Variants in CYP4V2 observed in about 807,000 individuals in gnomAD.
CYP4V2 encodes cytochrome P450 4V2.
CYP4V2 carries 55 observed loss-of-function variants against 60.8 expected under a neutral mutation model. The observed-to-expected ratio is 0.90, with a 90% CI of 0.73 to 1.13. The LOEUF is 1.13. Among genes scored for constraint, CYP4V2 ranks in the 50% most tolerant of loss-of-function variants. CYP4V2 has a pLI of 0.00. For synonymous variants in CYP4V2, 239 were observed against 236.8 expected (o/e 1.01, Z -0.08); for missense variants, 675 against 662.9 (o/e 1.02, Z -0.20).
intron 4 of CYP4V2, 128 bp downstream of exon 4, chr4:186,197,258 A>ACGAC (rs1312907880): frequency 6.7e-6 from 8 of 1,190,394 alleles, no homozygotes; most frequent in South Asian, 2.6e-5. Flanking sequence ...GCGCGGTTCT[A>ACGAC]CGACCGCACT....
intron 8 of CYP4V2, 85 bp downstream of exon 8, chr4:186,205,387 C>A: frequency 7.6e-7 from 1 of 1,324,290 alleles, no homozygotes; most frequent in Non-Finnish European, 1.1e-6. Context: ...GTGTAATGAG[C>A]AGGAAGGCTC....
rs1050351035 is a variant in CYP4V2 at position 186,198,810 on chromosome 4, T to C, written c.675-147T>C. On this transcript the variant is annotated intron_variant, in intron 5 of 10. Transcript: ENST00000378802. Reference sequence around the variant, plus strand: ...GCGTAATAGCCCATGCCTTCACTGCTAAGCATAAAACATGGAGCTCTTAGT... The same window carrying C: ...GCGTAATAGCCCATGCCTTCACTGCCAAGCATAAAACATGGAGCTCTTAGT... 97 of 1,215,704 alleles carry C rather than the reference T, an allele frequency of 8.0e-5. 2 individuals carry two copies. The highest frequency in any genetic ancestry group is 2.1e-4 in the Middle Eastern group (1 of 4,672). 75.3% of individuals were successfully genotyped at this position (1,215,704 alleles called of 1,614,324 possible).
In CYP4V2 at chr4:186,210,568, A is replaced by T. The variant is rs1178760499; in HGVS notation, c.1505A>T (p.Glu502Val). 1 of 1,614,202 alleles carries T rather than the reference A, an allele frequency of 6.2e-7. No individual in the cohort carries two copies. Among genetic ancestry groups the T allele is most frequent in the South Asian group, 1.1e-5 (1 of 91,092 alleles). The change falls in exon 11 of 11, where the codon GAA becomes GTA. Residue 502 changes from glutamate to valine, a missense_variant. Glu to Val is a moderately radical substitution (Grantham distance 121). Coordinates refer to ENST00000378802, the MANE Select transcript of CYP4V2 (RefSeq NM_207352.4). Reference sequence around the variant, plus strand: ...CAGAAAAGAGAAGAGCTTGGTCTAGAAGGACAGTTGATTCTTCGTCCAAGT... The same window carrying T: ...CAGAAAAGAGAAGAGCTTGGTCTAGTAGGACAGTTGATTCTTCGTCCAAGT... The part of the protein sequence containing the change: ...SNQKREELGL[E>V]GQLILRPSNG...
intron 1 of CYP4V2, chr4:186,192,424 C>A: frequency 2.6e-6 from 1 of 380,178 alleles, no homozygotes. Flanking sequence ...CGCCCAGAGC[C>A]GCCCTCCTCT....
At chr4:186,208,721 C>G (rs878857731) in intron 8 of CYP4V2, 144 bp from the exon 9 acceptor site, 1 of 1,174,000 alleles carries the variant, frequency 8.5e-7, no homozygotes, top group Middle Eastern at 2.4e-4. Flanking sequence ...TTAGCATCCC[C>G]TGCCTTGATC....
rs755375936 is a variant in CYP4V2, at chr4:186,191,772, C to T, written c.-52C>T. The T allele has an allele frequency of 3.1e-5, 44 of 1,403,642 alleles. No individual in the cohort carries two copies. The highest frequency in any genetic ancestry group is 3.9e-5 in the Non-Finnish European group (42 of 1,084,172). The allele number at this position is 1,403,642 out of a possible 1,614,324, so 86.9% of individuals were successfully genotyped here. A position where few individuals can be genotyped will look rare whatever the true frequency, so the allele number is the denominator to read the frequency against. ...GGCCGGCACCGCCTCGCACCACGCC[C>T]CCGCGGGCCCGCACTTTCCCGGAGT... On this transcript the variant is annotated 5_prime_UTR_variant, in exon 1 of 11. Transcript: ENST00000378802.
chr4:186,193,385 T>C (rs527346766), intron 1 of CYP4V2, among the ~76,000 whole-genome samples: 2 of 152,218 alleles, frequency 1.3e-5, no homozygotes, highest in Non-Finnish European at 2.9e-5. Context: ...ATTCTCCTTG[T>C]AGTCACTTTC....
intron 8 of CYP4V2, among the ~76,000 whole-genome samples, chr4:186,205,926 G>T (rs1048703048): frequency 4.6e-5 from 7 of 152,168 alleles, no homozygotes; most frequent in Admixed American, 1.3e-4. Flanking sequence ...TTGGTGTCCT[G>T]TGGCTGCTGC....
rs894067959 is a variant in CYP4V2 at position 186,191,802 on chromosome 4, C to T, written c.-22C>T. ...GGGCCCGCACTTTCCCGGAGTGCAC[C>T]CCGCGGCCGCCAGCCGGGGCGATGG... On this transcript the variant is annotated 5_prime_UTR_variant, in exon 1 of 11. Transcript: ENST00000378802. The T allele has an allele frequency of 3.3e-6, 5 of 1,521,006 alleles. No homozygotes were observed. In the Admixed American group the frequency reaches 8.0e-5, roughly 24 times the overall value. 94.2% of individuals were successfully genotyped at this position (1,521,006 alleles called of 1,614,324 possible). A position where few individuals can be genotyped will look rare whatever the true frequency, so the allele number is the denominator to read the frequency against.
chr4:186,208,484 G>A (rs561211343), intron 8 of CYP4V2, among the ~76,000 whole-genome samples: 22 of 145,954 alleles, frequency 1.5e-4, no homozygotes, highest in African/African-American at 4.9e-4. Flanking sequence ...GGTATTTGAT[G>A]CGTATTTAGC....
Position 186,196,066 on chromosome 4 carries a change from C to T in CYP4V2, c.391C>T (p.Leu131Phe), listed in dbSNP as rs1013303492. The change falls in exon 3 of 11, where the codon CTT (leucine) becomes TTT (phenylalanine). Residue 131 changes from leucine (L) to phenylalanine (F), a missense_variant. Leu to Phe is a conservative substitution (Grantham distance 22). Transcript: ENST00000378802. ...SSMYKFLEPW[L>F]GLGLLTSTGN... ...TATGTACAAGTTTTTAGAACCATGG[C>T]TTGGCCTAGGACTTCTTACAAGGTA... 1 of 1,614,038 alleles carries T rather than the reference C, an allele frequency of 6.2e-7. No individual in the cohort carries two copies. Among genetic ancestry groups the T allele is most frequent in the Non-Finnish European group, 8.5e-7 (1 of 1,179,924 alleles).
At chr4:186,210,303 G>A (rs900007503) in intron 10 of CYP4V2, among the ~76,000 whole-genome samples, 166 bp from the exon 11 acceptor site, 29 of 152,108 alleles carry the variant, frequency 1.9e-4, no homozygotes, top group Admixed American at 1.5e-3. Context: ...GATCAGGGAG[G>A]GAAACTCAAG....
At chr4:186,205,116 A>G in intron 7 of CYP4V2, 84 bp from the exon 8 acceptor site, 1 of 1,268,090 alleles carries the variant, frequency 7.9e-7, no homozygotes, top group Non-Finnish European at 1.2e-6. Flanking sequence ...TCAAATCCAG[A>G]GACAATTCAA....
chr4:186,206,212 GGTGT>G (rs142762868), intron 8 of CYP4V2, among the ~76,000 whole-genome samples: 11 of 151,560 alleles, frequency 7.3e-5, no homozygotes, highest in Admixed American at 2.0e-4. Flanking sequence ...ATGCATGTGT[GGTGT>G]GTGTGTGTGT....
rs749940173 is a variant in CYP4V2, at chr4:186,201,164, C to T, written c.809C>T (p.Ala270Val). 31 of 1,613,992 alleles carry T rather than the reference C, an allele frequency of 1.9e-5. No homozygotes were observed. The highest frequency in any genetic ancestry group is 5.0e-5 in the Admixed American group (3 of 59,992). Reference sequence around the variant, plus strand: ...ATCATTCAAATCATACAGGTCATCGCTGAACGGGCCAATGAAATGAACGCC... The same window carrying T: ...ATCATTCAAATCATACAGGTCATCGTTGAACGGGCCAATGAAATGAACGCC... ...ILHTFTNSVI[A>V]ERANEMNANE... is the part of the protein sequence containing the mutation. Residue 270 changes from alanine (A) to valine (V), a missense_variant, in exon 7 of 11, where the codon GCT becomes GTT. Transcript: ENST00000378802.
rs564520481 is a variant in CYP4V2, at chr4:186,208,436, A to G, written c.1091-429A>G. Among the ~76,000 whole-genome samples the G allele has an allele frequency of 2.0e-4, 30 of 151,966 alleles. 1 individual carries two copies. The highest frequency in any genetic ancestry group is 1.3e-3 in the Admixed American group (20 of 15,280). Reference sequence around the variant, plus strand: ...TTTGATGGGCATTTGATGGGTATTTAGCATCCCCTGCCTTGATCCACATGT... The same window carrying G: ...TTTGATGGGCATTTGATGGGTATTTGGCATCCCCTGCCTTGATCCACATGT... On this transcript the variant is annotated intron_variant, in intron 8 of 10. Coordinates refer to ENST00000378802, the MANE Select transcript of CYP4V2 (RefSeq NM_207352.4).
chr4:186,204,631 T>G, intron 7 of CYP4V2: 1 of 189,252 alleles, frequency 5.3e-6, no homozygotes, highest in Admixed American at 5.3e-5. Flanking sequence ...GTTTTTAATC[T>G]CTGAATTGTA....
chr4:186,204,909 C>T, intron 7 of CYP4V2: 1 of 456,746 alleles, frequency 2.2e-6, no homozygotes, highest in Non-Finnish European at 4.0e-6. Flanking sequence ...CACAAAGGCG[C>T]AGCTCACCTC....
chr4:186,195,636 G>A lies in CYP4V2; in HGVS notation c.328-367G>A, dbSNP rs1412739653. Reference sequence around the variant, plus strand: ...GAAGGCCTCAAAGTTACCATCACCTGAAAATACACCTATGATTTCCATCTC... The same window carrying A: ...GAAGGCCTCAAAGTTACCATCACCTAAAAATACACCTATGATTTCCATCTC... On this transcript the variant is annotated intron_variant, in intron 2 of 10. Coordinates refer to ENST00000378802, the MANE Select transcript of CYP4V2 (RefSeq NM_207352.4). This position sits in a 1 kb window ranked among gnomAD's most constrained non-coding sequence, Gnocchi z 4.1. Among the ~76,000 whole-genome samples the A allele has an allele frequency of 1.3e-5, 2 of 152,106 alleles. No individual in the cohort carries two copies. Among genetic ancestry groups the A allele is most frequent in the Non-Finnish European group, 2.9e-5 (2 of 68,008 alleles).
Sources: allele counts gnomAD v4.1 joint callset (sites outside exome capture counted in the v4.1 genomes callset), GRCh38; gene constraint gnomAD v4.1.1; non-coding constraint Gnocchi (gnomAD v3.1); transcripts MANE v1.5; gene names NCBI Gene and HGNC (gene_info 2026-07-23, HGNC 2026-07-21).